PCDHGB1: variants seen among roughly 807,000 people sequenced by gnomAD.
PCDHGB1 encodes the protein protocadherin gamma subfamily B, 1.
In PCDHGB1, 34 loss-of-function variants were observed where a neutral mutation model predicts 56.6. The ratio of observed to expected loss-of-function variants is 0.60; its 90% CI spans 0.46 to 0.80. The LOEUF (loss-of-function observed/expected upper bound fraction) is 0.80. Among genes scored for constraint, PCDHGB1 ranks in the 30% least tolerant of loss-of-function variants. The pLI, the probability that PCDHGB1 is intolerant of heterozygous loss-of-function variation, is 0.00. For synonymous variants in PCDHGB1, 561 were observed against 505.9 expected, an observed-to-expected ratio of 1.11 and a Z score of -1.46; for missense variants, 1,278 against 1,204.6, an observed-to-expected ratio of 1.06 and a Z score of -0.90.
chr5:141,384,924 G>A (rs1467129756), intron 1 of PCDHGB1: 2 of 1,613,840 alleles, frequency 1.2e-6, no homozygotes, highest in African/African-American at 2.7e-5. Flanking sequence ...TGGCCGACCT[G>A]GGCAGCCTTG....
Position 141,350,581 on chromosome 5 carries a change from T to C in PCDHGB1, c.321T>C (p.Ala107=), listed in dbSNP as rs770869658. 1 of 1,614,052 alleles carries C rather than the reference T, an allele frequency of 6.2e-7. No homozygotes were observed. The highest frequency in any genetic ancestry group is 1.1e-5 in the South Asian group (1 of 91,092). ...GTGCACTAGAATTCGAAACGGTCGCTGAAAACCCAATGAATGTTTTCCACG... is the reference window on the plus strand; with the variant it reads ...GTGCACTAGAATTCGAAACGGTCGCCGAAAACCCAATGAATGTTTTCCACG... ...LECALEFETV[A]ENPMNVFHVV... Residue 107 remains alanine (A), a synonymous_variant, in exon 1 of 4, where the codon GCT becomes GCC. Transcript: ENST00000523390.
At chr5:141,377,633 T>C (rs1357016658) in intron 1 of PCDHGB1, 2 of 152,058 alleles carry the variant, frequency 1.3e-5, no homozygotes, top group Non-Finnish European at 2.9e-5. Flanking sequence ...TTGTTTTTTC[T>C]CAGTGTTACT....
intron 1 of PCDHGB1, among the ~76,000 whole-genome samples, chr5:141,482,079 C>A (rs2099551704): frequency 8.4e-6 from 1 of 119,308 alleles, no homozygotes; most frequent in African/African-American, 3.8e-5. Context: ...GAACAAAACT[C>A]ACTCCATCTC....
At chr5:141,355,270 G>A (rs1278856954) in intron 1 of PCDHGB1, 1 of 1,613,670 alleles carries the variant, frequency 6.2e-7, no homozygotes, top group Non-Finnish European at 8.5e-7. Flanking sequence ...GGGGGTTCTG[G>A]TGGAAATCAG....
intron 1 of PCDHGB1, chr5:141,400,772 G>T: frequency 1.8e-6 from 1 of 570,264 alleles, no homozygotes. Context: ...AAAACATTTG[G>T]TGCGTTTTTT....
rs760572189 is a variant in PCDHGB1 at position 141,477,159 on chromosome 5, A to G, written c.2410-17648A>G. ...GTGGAGGTTGTGGATGTGAATGACA[A>G]CGCCCCGGAGATCACAGTCACCTCC... is the stretch of plus-strand genomic sequence containing the variant. On this transcript the variant is annotated intron_variant, in intron 1 of 3. Transcript: ENST00000523390. The surrounding 1 kb of genome is among the most constrained non-coding windows in gnomAD (Gnocchi z 4.9). The G allele has an allele frequency of 1.7e-5, 28 of 1,613,854 alleles. No individual in the cohort carries two copies. In the South Asian group the frequency reaches 3.1e-4, roughly 18 times the overall value.
chr5:141,351,158 A>C lies in PCDHGB1; in HGVS notation c.898A>C (p.Asn300His). 1.2e-6 allele frequency: 2 copies of C among 1,614,062 alleles called. No homozygotes were observed. The highest frequency in any genetic ancestry group is 2.2e-5 in the South Asian group (2 of 91,080). Residue 300 changes from asparagine (N) to histidine (H), a missense_variant, in exon 1 of 4, where the codon AAT (asparagine) becomes CAT (histidine). Asn to His is a moderately conservative substitution (Grantham distance 68, BLOSUM62 1). Transcript: ENST00000523390. ...TCCAAATACTGGCGACATCACAACC[A>C]ATGGCACATTGGATTTTGAAGAGAC... ...LNPNTGDITTNGTLDFEETSR... is the reference protein window; with the variant it reads ...LNPNTGDITTHGTLDFEETSR...
chr5:141,355,277 T>C, intron 1 of PCDHGB1: 1 of 1,613,656 alleles, frequency 6.2e-7, no homozygotes, highest in Non-Finnish European at 8.5e-7. Context: ...CTGGTGGAAA[T>C]CAGGGCCGAA....
At chr5:141,398,287 C>G in intron 1 of PCDHGB1, 1 of 1,396,196 alleles carries the variant, frequency 7.2e-7, no homozygotes, top group Non-Finnish European at 9.8e-7. Flanking sequence ...CGCCACGGAC[C>G]TGGGGTTCAG....
At chr5:141,455,160 G>T (rs6875366) in intron 1 of PCDHGB1, among the ~76,000 whole-genome samples, 16,301 of 149,190 alleles carry the variant, frequency 0.11, 1,328 homozygotes, top group African/African-American at 0.23. Context: ...TAGTTTGTTG[G>T]TTTTTTTTTT....
chr5:141,445,814 TA>T (rs1554133713), intron 1 of PCDHGB1, among the ~76,000 whole-genome samples: 1 of 152,182 alleles, frequency 6.6e-6, no homozygotes, highest in Non-Finnish European at 1.5e-5. Context: ...TAGATGAAAC[TA>T]ATAAGGCAGG....
intron 1 of PCDHGB1, chr5:141,377,844 A>G (rs911815564): frequency 2.0e-5 from 3 of 152,180 alleles, no homozygotes; most frequent in South Asian, 2.1e-4. Context: ...TTATCTTCCA[A>G]TTAAAATTAA....
At chr5:141,374,566 T>C (rs368553948) in intron 1 of PCDHGB1, 21 of 1,613,582 alleles carry the variant, frequency 1.3e-5, no homozygotes, top group South Asian at 3.3e-5. Flanking sequence ...ATGACCCTGA[T>C]GTGGGAATGA....
intron 1 of PCDHGB1, chr5:141,384,103 T>A (rs1305926581): frequency 6.2e-7 from 1 of 1,600,344 alleles, no homozygotes; most frequent in Non-Finnish European, 8.5e-7. Flanking sequence ...AGATAATTAT[T>A]ATAGATTGGT....
chr5:141,366,903 C>G (rs1018569016), intron 1 of PCDHGB1: 1 of 1,174,592 alleles, frequency 8.5e-7, no homozygotes, highest in Non-Finnish European at 1.2e-6. Flanking sequence ...TTCATGCTTT[C>G]TCCATTTGTT....
intron 1 of PCDHGB1, chr5:141,376,077 C>T (rs373865501): frequency 6.2e-7 from 1 of 1,613,380 alleles, no homozygotes; most frequent in Non-Finnish European, 8.5e-7. Flanking sequence ...GTGGCCGTGG[C>T]CGACAGGATC....
chr5:141,486,137 G>A lies in PCDHGB1; in HGVS notation c.2410-8670G>A, dbSNP rs1187526031. 1 of 1,614,074 alleles carries A rather than the reference G, an allele frequency of 6.2e-7. No individual in the cohort carries two copies. On this transcript the variant is annotated intron_variant, in intron 1 of 3. Coordinates refer to ENST00000523390, the MANE Select transcript of PCDHGB1 (RefSeq NM_018922.3). The surrounding 1 kb of genome is among the most constrained non-coding windows in gnomAD (Gnocchi z 5.0). ...GAATTACTATGAATTTGATGTGCGGGCTCGCGATGGGGGTTCTCCAGCCAT... is the reference window on the plus strand; with the variant it reads ...GAATTACTATGAATTTGATGTGCGGACTCGCGATGGGGGTTCTCCAGCCAT...
intron 1 of PCDHGB1, among the ~76,000 whole-genome samples, chr5:141,430,411 C>T (rs879587751): frequency 3.3e-5 from 5 of 150,942 alleles, no homozygotes; most frequent in African/African-American, 1.2e-4. Flanking sequence ...ACTAAAGTTT[C>T]TATTAAAGCG....
intron 1 of PCDHGB1, chr5:141,428,018 C>T (rs771831423): frequency 1.9e-6 from 3 of 1,604,570 alleles, no homozygotes; most frequent in Non-Finnish European, 2.6e-6. Flanking sequence ...TAGTGCCACG[C>T]GCCGCAGAGT....
Sources: allele counts gnomAD v4.1 joint callset (sites outside exome capture counted in the v4.1 genomes callset), GRCh38; gene constraint gnomAD v4.1.1; non-coding constraint Gnocchi (gnomAD v3.1); transcripts MANE v1.5; gene names NCBI Gene and HGNC (gene_info 2026-07-23, HGNC 2026-07-21).